The following RNF17 variants were observed in gnomAD, a reference collection of about 807,000 sequenced individuals.
The protein encoded by RNF17 is ring finger protein 17.
A neutral mutation model predicts 200.5 loss-of-function variants in RNF17; 31 were observed. The observed-to-expected ratio is 0.15, with a 90% CI of 0.12 to 0.21. The LOEUF is 0.21. RNF17 is among the 10% of genes least tolerant of loss of function. The probability of loss-of-function intolerance (pLI) is 1.00; values close to 1 mark genes in which losing one functional copy is unlikely to be tolerated. For missense variants in RNF17, 1,628 were observed against 1,905.1 expected (o/e 0.85, Z 2.71); for synonymous variants, 606 against 637.8 (o/e 0.95, Z 0.75).
At chr13:24,757,780 T>C in the RNF17 span, among the ~76,000 whole-genome samples, 1 of 152,242 alleles carries the variant, frequency 6.6e-6, no homozygotes, top group Admixed American at 6.5e-5. Flanking sequence ...TTTCCTCTTC[T>C]CCACTTGGGC....
the RNF17 span, among the ~76,000 whole-genome samples, chr13:24,884,995 A>G: frequency 1.0e-3 from 153 of 152,334 alleles, no homozygotes; most frequent in African/African-American, 3.3e-3. Flanking sequence ...GGAGATGAGG[A>G]GAGAGGTCCC....
intron 2 of RNF17, among the ~76,000 whole-genome samples, chr13:24,771,948 G>T (rs1442350413): frequency 6.6e-6 from 1 of 151,840 alleles, no homozygotes; most frequent in Non-Finnish European, 1.5e-5. Context: ...AGGTTGCAGT[G>T]AGCCGAGATC....
intron 15 of RNF17, among the ~76,000 whole-genome samples, chr13:24,823,396 G>A (rs1023165475): frequency 1.3e-5 from 2 of 152,158 alleles, no homozygotes; most frequent in East Asian, 3.9e-4. Context: ...AAAAGCTGTA[G>A]TAGTTCATTT....
chr13:24,883,871 A>G (rs1953933890), downstream of RNF17: 1 of 1,445,758 alleles, frequency 6.9e-7, no homozygotes, highest in Non-Finnish European at 9.7e-7. Flanking sequence ...GGTGTCACAT[A>G]TCATCAGAAA....
At chr13:24,881,546 T>C (rs1281448521), downstream of RNF17, among the ~76,000 whole-genome samples, 1 of 151,942 alleles carries the variant, frequency 6.6e-6, no homozygotes, top group Non-Finnish European at 1.5e-5. Context: ...TAGATATCTA[T>C]ATATAGGTAT....
At chr13:24,781,798 TA>T in intron 5 of RNF17, 45 bp from the exon 6 acceptor site, 1 of 1,401,466 alleles carries the variant, frequency 7.1e-7, no homozygotes, top group Non-Finnish European at 9.8e-7. Flanking sequence ...TTCTACAAAA[TA>T]AAAATTCCCA....
intron 15 of RNF17, among the ~76,000 whole-genome samples, chr13:24,818,582 T>G: frequency 6.6e-6 from 1 of 152,180 alleles, no homozygotes; most frequent in Admixed American, 6.5e-5. Flanking sequence ...GCATAATTGC[T>G]TATAATTGTT....
At chr13:24,800,663 T>C in intron 13 of RNF17, 129 bp downstream of exon 13, 2 of 619,312 alleles carry the variant, frequency 3.2e-6, no homozygotes, top group Non-Finnish European at 5.2e-6. Context: ...CATATTAAAC[T>C]GTTAGTTCTA....
At chr13:24,826,106 T>G in intron 16 of RNF17, 1 of 984,780 alleles carries the variant, frequency 1.0e-6, no homozygotes, top group Non-Finnish European at 1.2e-6. Context: ...AAGGTACAAA[T>G]TAAAGGTGAG....
chr13:24,788,860 C>T (rs530329219), intron 7 of RNF17, among the ~76,000 whole-genome samples: 2 of 152,176 alleles, frequency 1.3e-5, no homozygotes, highest in South Asian at 4.1e-4. Context: ...AGAAGAGAAG[C>T]CATTAGTTTA....
intron 15 of RNF17, among the ~76,000 whole-genome samples, chr13:24,820,139 T>G (rs1887869505): frequency 1.0e-5 from 1 of 98,620 alleles, no homozygotes; most frequent in African/African-American, 4.2e-5. Context: ...TTTTTTTTTT[T>G]GAGACAAGAG....
the RNF17 span, among the ~76,000 whole-genome samples, chr13:24,749,522 CT>C: frequency 1.3e-5 from 2 of 152,090 alleles, no homozygotes; most frequent in Non-Finnish European, 2.9e-5. Flanking sequence ...ATCAATTTCC[CT>C]TATTCTTTTT....
intron 1 of RNF17, among the ~76,000 whole-genome samples, chr13:24,765,433 T>C (rs1384625091): frequency 6.6e-6 from 1 of 152,244 alleles, no homozygotes; most frequent in Non-Finnish European, 1.5e-5. Flanking sequence ...AACTGTTTAA[T>C]GTTTATACTT....
downstream of RNF17, chr13:24,884,097 T>TA (rs760793313): frequency 4.0e-5 from 14 of 345,860 alleles, no homozygotes; most frequent in East Asian, 1.8e-3. Flanking sequence ...TTTAAAAAGT[T>TA]GTTACAGTAA....
chr13:24,848,266 T>C (rs1485385565), intron 22 of RNF17, among the ~76,000 whole-genome samples: 4 of 144,850 alleles, frequency 2.8e-5, no homozygotes, highest in African/African-American at 1.0e-4. Context: ...TTTACTGTCA[T>C]TTTAAGAAAT....
At chr13:24,860,452 TA>T (rs960304485) in intron 26 of RNF17, among the ~76,000 whole-genome samples, 1 of 152,202 alleles carries the variant, frequency 6.6e-6, no homozygotes, top group Non-Finnish European at 1.5e-5. Context: ...TTTCAAAGTT[TA>T]TCCTGTGATT....
chr13:24,840,761 T>A (rs1447146063), intron 18 of RNF17, among the ~76,000 whole-genome samples: 1 of 152,032 alleles, frequency 6.6e-6, no homozygotes, highest in East Asian at 1.9e-4. Context: ...GGGCGAAGGA[T>A]AAAAGACTAC....
intron 18 of RNF17, 57 bp from the exon 19 acceptor site, chr13:24,841,984 C>T: frequency 6.6e-7 from 1 of 1,515,030 alleles, no homozygotes; most frequent in South Asian, 1.2e-5. Flanking sequence ...AAAATTGCCT[C>T]ATTTACTATA....
At chr13:24,850,187 A>G (rs892217035) in intron 22 of RNF17, among the ~76,000 whole-genome samples, 154 bp from the exon 23 acceptor site, 17 of 152,238 alleles carry the variant, frequency 1.1e-4, no homozygotes, top group Non-Finnish European at 7.3e-5. Context: ...AAAAAATTGT[A>G]AAAATAATAC....
Sources: allele counts gnomAD v4.1 joint callset (sites outside exome capture counted in the v4.1 genomes callset), GRCh38; gene constraint gnomAD v4.1.1; transcripts MANE v1.5; gene names NCBI Gene and HGNC (gene_info 2026-07-23, HGNC 2026-07-21).